MAGI1: variants seen among roughly 807,000 people sequenced by gnomAD.
MAGI1 encodes membrane associated guanylate kinase, WW and PDZ domain containing 1, also known as membrane-associated guanylate kinase, WW and PDZ domain-containing protein 1.
In MAGI1, 58 loss-of-function variants were observed where a neutral mutation model predicts 139.9. That is an observed-to-expected ratio of 0.41 (90% confidence interval 0.34 to 0.52). The LOEUF (loss-of-function observed/expected upper bound fraction) is 0.52, where lower values mean the gene tolerates loss of function less well. Ranked by LOEUF, MAGI1 falls within the 20% of genes least tolerant of loss-of-function variation. The probability of loss-of-function intolerance (pLI) is 0.12; values close to 1 mark genes in which losing one functional copy is unlikely to be tolerated. For missense variants in MAGI1, 1,874 were observed against 1,901.6 expected (o/e 0.99, Z 0.27); for synonymous variants, 812 against 737.9 (o/e 1.10, Z -1.63).
rs1317597384 is a variant in MAGI1, at chr3:66,038,865, A to C, written c.-557T>G. ...GGCTCGGCTTGTTTTGTTACAGTTCATTCTATTCCGCGCCGCGGAGCGCAG... is the reference window on the plus strand; with the variant it reads ...GGCTCGGCTTGTTTTGTTACAGTTCCTTCTATTCCGCGCCGCGGAGCGCAG... On this transcript the variant is annotated 5_prime_UTR_variant, in exon 1 of 23. The change abolishes an upstream ATG in the 5' untranslated region. Coordinates refer to ENST00000402939, the MANE Select transcript of MAGI1 (RefSeq NM_001033057.2). The C allele has an allele frequency of 6.6e-6, 1 of 151,852 alleles. No individual in the cohort carries two copies. Among genetic ancestry groups the C allele is most frequent in the African/African-American group, 2.4e-5 (1 of 41,364 alleles). The allele number at this position is 151,852 out of a possible 1,614,324, so 9.4% of individuals were successfully genotyped here. A position where few individuals can be genotyped will look rare whatever the true frequency, so the allele number is the denominator to read the frequency against.
At chr3:65,640,598 T>C (rs920549700) in intron 1 of MAGI1, among the ~76,000 whole-genome samples, 7 of 152,224 alleles carry the variant, frequency 4.6e-5, no homozygotes, top group Non-Finnish European at 7.3e-5. Context: ...AAACCTGTTC[T>C]GGTTTGATTG....
At chr3:65,556,379 C>G (rs1184759421) in intron 2 of MAGI1, among the ~76,000 whole-genome samples, 1 of 152,178 alleles carries the variant, frequency 6.6e-6, no homozygotes, top group Non-Finnish European at 1.5e-5. Flanking sequence ...CTGCTGGTCC[C>G]CATGCCCTGA....
chr3:65,667,282 G>A (rs1171284911), intron 1 of MAGI1, among the ~76,000 whole-genome samples: 1 of 152,188 alleles, frequency 6.6e-6, no homozygotes, highest in Non-Finnish European at 1.5e-5. Flanking sequence ...ACCAGCATGG[G>A]AGGGGAGGTT....
chr3:65,735,328 A>T (rs1030935655), intron 1 of MAGI1, among the ~76,000 whole-genome samples: 1 of 149,208 alleles, frequency 6.7e-6, no homozygotes, highest in African/African-American at 2.6e-5. Flanking sequence ...AAAAGTGGAT[A>T]AAGCCTGTTT....
intron 9 of MAGI1, among the ~76,000 whole-genome samples, chr3:65,438,331 A>G (rs1403396826): frequency 6.6e-6 from 1 of 152,216 alleles, no homozygotes; most frequent in African/African-American, 2.4e-5. Context: ...AATAATGTGT[A>G]CTTACGGACA....
At chr3:65,419,270 G>C (rs987143139) in intron 12 of MAGI1, among the ~76,000 whole-genome samples, 3 of 126,606 alleles carry the variant, frequency 2.4e-5, no homozygotes, top group African/African-American at 9.0e-5. Flanking sequence ...GTTACAAATT[G>C]TATTTCCCAT....
chr3:65,572,070 G>A (rs967810679), intron 2 of MAGI1, among the ~76,000 whole-genome samples: 2 of 152,076 alleles, frequency 1.3e-5, no homozygotes, highest in African/African-American at 4.8e-5. Context: ...GGACAATAAT[G>A]TGAAAAACGA....
chr3:66,033,480 C>T lies in MAGI1; in HGVS notation c.313+4516G>A, dbSNP rs115107347. ...ATTTTACAGCACACCAGAAGGAGGT[C>T]ACTGAGGAGAAAGAAGCAAGACCAG... On this transcript the variant is annotated intron_variant, in intron 1 of 22. Transcript: ENST00000402939. Among the ~76,000 whole-genome samples the T allele has an allele frequency of 2.6e-3, 390 of 152,282 alleles. 1 individual carries two copies. The highest frequency in any genetic ancestry group is 8.5e-3 in the African/African-American group (354 of 41,540).
chr3:65,503,044 A>G (rs1162454458), intron 2 of MAGI1, among the ~76,000 whole-genome samples: 2 of 152,128 alleles, frequency 1.3e-5, no homozygotes, highest in Non-Finnish European at 2.9e-5. Context: ...TAGTGTCACT[A>G]AGCAACACAC....
At chr3:65,472,688 C>G (rs1338492387) in intron 4 of MAGI1, among the ~76,000 whole-genome samples, 1 of 152,108 alleles carries the variant, frequency 6.6e-6, no homozygotes, top group East Asian at 1.9e-4. Context: ...TGCACCAGTG[C>G]CAGGCCAGAG....
intron 1 of MAGI1, among the ~76,000 whole-genome samples, chr3:65,711,905 T>A (rs763776999): frequency 6.6e-6 from 1 of 152,164 alleles, no homozygotes; most frequent in Non-Finnish European, 1.5e-5. Context: ...ATTAATACAA[T>A]CCCCATATTG....
In MAGI1 at chr3:65,960,050, G is replaced by A. The variant is rs142742940; in HGVS notation, c.313+77946C>T. ...TCTCGACCTCCTGACCTCATGATCC[G>A]CCTGCCTCAGCCTCCCAAAGAGTTG... On this transcript the variant is annotated intron_variant, in intron 1 of 22. Coordinates refer to ENST00000402939, the MANE Select transcript of MAGI1 (RefSeq NM_001033057.2). Among the ~76,000 whole-genome samples, 345 of 151,050 alleles carry A rather than the reference G, an allele frequency of 2.3e-3. 2 individuals are homozygous for A. The highest frequency in any genetic ancestry group is 4.2e-3 in the Non-Finnish European group (287 of 67,702).
intron 2 of MAGI1, among the ~76,000 whole-genome samples, chr3:65,599,026 T>G (rs2082359962): frequency 6.6e-6 from 1 of 152,214 alleles, no homozygotes; most frequent in South Asian, 2.1e-4. Context: ...ATCCAGGTGC[T>G]ACAGAGTCAC....
chr3:65,600,208 C>A (rs2082414394), intron 2 of MAGI1, among the ~76,000 whole-genome samples: 1 of 152,148 alleles, frequency 6.6e-6, no homozygotes, highest in African/African-American at 2.4e-5. Context: ...AAGGAATCTG[C>A]ATAGAGACTT....
intron 1 of MAGI1, among the ~76,000 whole-genome samples, chr3:65,784,278 C>T (rs1038598496): frequency 6.6e-6 from 1 of 152,190 alleles, no homozygotes. Flanking sequence ...TTCCTAGGAG[C>T]AATCCCACTC....
At chr3:65,401,670 G>A in intron 12 of MAGI1, 200 bp from the exon 13 acceptor site, 1 of 1,545,744 alleles carries the variant, frequency 6.5e-7, no homozygotes, top group East Asian at 2.5e-5. Context: ...CGAGAGGCAG[G>A]AGATCTATCT....
intron 1 of MAGI1, among the ~76,000 whole-genome samples, chr3:65,886,678 G>C (rs1019539898): frequency 2.6e-5 from 4 of 152,158 alleles, no homozygotes; most frequent in African/African-American, 9.7e-5. Context: ...TATAATGACA[G>C]AGCAATATAT....
At chr3:65,752,017 A>G (rs917974040) in intron 1 of MAGI1, among the ~76,000 whole-genome samples, 4 of 152,180 alleles carry the variant, frequency 2.6e-5, no homozygotes, top group African/African-American at 9.7e-5. Flanking sequence ...ATCTCAGCTC[A>G]CTGCAGCCTT....
At chr3:65,863,510 G>A (rs1417795695) in intron 1 of MAGI1, among the ~76,000 whole-genome samples, 1 of 152,120 alleles carries the variant, frequency 6.6e-6, no homozygotes, top group African/African-American at 2.4e-5. Context: ...TGACTACTTG[G>A]CCTCAAATAT....
Sources: gnomAD v4.1 joint callset for allele counts (sites outside exome capture counted in the v4.1 genomes callset) on GRCh38, gnomAD v4.1.1 for gene constraint, MANE v1.5 for transcripts, NCBI Gene and HGNC (gene_info 2026-07-23, HGNC 2026-07-21) for gene names.